CYP3A7: variants seen among roughly 807,000 people sequenced by gnomAD.
CYP3A7 encodes cytochrome P450 3A7.
CYP3A7 carries 45 observed loss-of-function variants against 55.2 expected under a neutral mutation model. The ratio of observed to expected loss-of-function variants is 0.82; its 90% CI spans 0.64 to 1.05. CYP3A7 has a LOEUF of 1.05. CYP3A7 is among the 50% of genes least tolerant of loss of function. The probability of loss-of-function intolerance (pLI) is 0.00; values close to 1 mark genes in which losing one functional copy is unlikely to be tolerated. For synonymous variants in CYP3A7, 180 were observed against 207.4 expected, an observed-to-expected ratio of 0.87 and a Z score of 1.13; for missense variants, 548 against 605.3, an observed-to-expected ratio of 0.91 and a Z score of 0.99.
intron 9 of CYP3A7, among the ~76,000 whole-genome samples, chr7:99,711,683 G>A (rs1023285834): frequency 4.6e-5 from 7 of 152,098 alleles, no homozygotes; most frequent in Admixed American, 3.3e-4. Context: ...CAGAATAATC[G>A]CTTGAATCTG....
rs751002782 is a variant in CYP3A7 at position 99,705,569 on chromosome 7, T to C, written c.1443A>G (p.Gly481=). The change falls in exon 13 of 13, where the codon GGA becomes GGG. Residue 481 remains glycine, a synonymous_variant. Transcript: ENST00000336374. ...TQIPLKLRFG[G]LLLTEKPIVL... ...CAATGGGTTTTTCTGTTAGAAGAAG[T>C]CCTCCAAAGCGTAATTTCAGGGGGA... 15 of 1,613,598 alleles carry C rather than the reference T, an allele frequency of 9.3e-6. No individual in the cohort carries two copies. Among genetic ancestry groups the C allele is most frequent in the Non-Finnish European group, 1.3e-5 (15 of 1,179,708 alleles).
intron 5 of CYP3A7, 122 bp downstream of exon 5, chr7:99,717,404 A>T: frequency 6.3e-7 from 1 of 1,582,028 alleles, no homozygotes; most frequent in Non-Finnish European, 8.7e-7. Flanking sequence ...TAAAAAGACT[A>T]TTTTTAGGAA....
At chr7:99,734,613 TTCTTTTTTTTC>T (rs1246417843) in intron 1 of CYP3A7, among the ~76,000 whole-genome samples, 1 of 152,000 alleles carries the variant, frequency 6.6e-6, no homozygotes, top group African/African-American at 2.4e-5. Context: ...ATCTTTTTTT[TTCTTTTTTTTC>T]TCTTTTTTTT....
In CYP3A7 at chr7:99,707,879, A is replaced by C; in HGVS notation, c.1349T>G (p.Val450Gly). The change falls in exon 12 of 13, where the codon GTG (valine) becomes GGG (glycine). Residue 450 changes from valine to glycine, a missense_variant. Coordinates refer to ENST00000336374, the MANE Select transcript of CYP3A7 (RefSeq NM_000765.5). ...RNCIGMRFAL[V>G]NMKLALVRVL... is the part of the protein sequence containing the mutation. ...TCTGACTAGAGCAAGTTTCATGTTCACGAGAGCAAACCTCATGCCAATGCA... is the reference window on the plus strand; with the variant it reads ...TCTGACTAGAGCAAGTTTCATGTTCCCGAGAGCAAACCTCATGCCAATGCA... 6.2e-7 allele frequency: 1 copy of C among 1,614,050 alleles called. No homozygotes were observed. The highest frequency in any genetic ancestry group is 1.1e-5 in the South Asian group (1 of 91,076).
intron 6 of CYP3A7, among the ~76,000 whole-genome samples, chr7:99,716,473 T>C (rs984544356): frequency 3.3e-5 from 5 of 152,322 alleles, no homozygotes; most frequent in Admixed American, 6.5e-5. Flanking sequence ...GTTGCCCTGA[T>C]GGCAGAATTA....
intron 5 of CYP3A7, 60 bp downstream of exon 5, chr7:99,717,466 A>G (rs1211481351): frequency 6.2e-7 from 1 of 1,603,546 alleles, no homozygotes; most frequent in East Asian, 2.3e-5. Context: ...CTTACTTTCT[A>G]CCTGTCCCCA....
intron 2 of CYP3A7, among the ~76,000 whole-genome samples, chr7:99,723,459 CT>C (rs1814285074): frequency 6.6e-6 from 1 of 152,198 alleles, no homozygotes; most frequent in African/African-American, 2.4e-5. Flanking sequence ...TGACCCACCC[CT>C]ATCTCCCTTT....
At chr7:99,728,183 C>T in intron 2 of CYP3A7, among the ~76,000 whole-genome samples, 1 of 152,190 alleles carries the variant, frequency 6.6e-6, no homozygotes, top group East Asian at 1.9e-4. Context: ...TATCTCCTTC[C>T]AGTCTCACAG....
At chr7:99,708,676 A>T (rs1313531877) in intron 11 of CYP3A7, among the ~76,000 whole-genome samples, 1 of 152,140 alleles carries the variant, frequency 6.6e-6, no homozygotes, top group Non-Finnish European at 1.5e-5. Context: ...TTTTTATTCA[A>T]ATTTGATTCC....
chr7:99,717,278 C>T lies in CYP3A7; in HGVS notation c.433-13G>A. On this transcript the variant is annotated splice_polypyrimidine_tract_variant and intron_variant, in intron 5 of 12. Transcript: ENST00000336374. ...TGATAGGGACCATCTAAGCACAAAA[C>T]ACAACACCACCCATAGTTAAATGTG... 1 of 1,613,880 alleles carries T rather than the reference C, an allele frequency of 6.2e-7. No homozygotes were observed. Among genetic ancestry groups the T allele is most frequent in the Non-Finnish European group, 8.5e-7 (1 of 1,179,816 alleles).
At chr7:99,710,984 C>G (rs1480691197) in intron 9 of CYP3A7, 92 bp from the exon 10 acceptor site, 4 of 1,595,174 alleles carry the variant, frequency 2.5e-6, no homozygotes, top group Non-Finnish European at 2.6e-6. Flanking sequence ...ACCTTCAAAT[C>G]CCCAGGGGAA....
At chr7:99,734,909 C>T (rs1297607590) in intron 1 of CYP3A7, 114 bp downstream of exon 1, 1 of 1,534,204 alleles carries the variant, frequency 6.5e-7, no homozygotes, top group African/African-American at 1.4e-5. Context: ...GTGTGAGCCA[C>T]CACGGCCAGC....
At chr7:99,729,263 A>G (rs910516911) in intron 2 of CYP3A7, among the ~76,000 whole-genome samples, 42 of 152,208 alleles carry the variant, frequency 2.8e-4, no homozygotes, top group African/African-American at 9.4e-4. Context: ...TATACAACAA[A>G]TATTACTTTT....
intron 2 of CYP3A7, among the ~76,000 whole-genome samples, chr7:99,724,316 A>G (rs550226349): frequency 7.2e-5 from 11 of 152,144 alleles, no homozygotes; most frequent in African/African-American, 2.7e-4. Context: ...ATAGCCAGAA[A>G]ATGACACTTT....
At chr7:99,718,328 C>T (rs1169075870) in intron 4 of CYP3A7, among the ~76,000 whole-genome samples, 1 of 152,118 alleles carries the variant, frequency 6.6e-6, no homozygotes, top group Non-Finnish European at 1.5e-5. Context: ...TAATGCGATT[C>T]TATTAACATT....
intron 9 of CYP3A7, 127 bp downstream of exon 9, chr7:99,713,335 TAACATCC>T (rs1276856110): frequency 7.2e-7 from 1 of 1,393,540 alleles, no homozygotes; most frequent in Admixed American, 1.9e-5. Context: ...GCTACCATTT[TAACATCC>T]AAACCTGTGT....
chr7:99,730,943 A>G (rs1210683081), intron 2 of CYP3A7, 116 bp downstream of exon 2: 12 of 1,374,012 alleles, frequency 8.7e-6, no homozygotes, highest in Non-Finnish European at 1.2e-5. Flanking sequence ...CCTACACGCT[A>G]TTTCTGAAAG....
intron 8 of CYP3A7, among the ~76,000 whole-genome samples, chr7:99,714,321 A>C (rs1208516165): frequency 1.3e-5 from 2 of 152,106 alleles, no homozygotes; most frequent in African/African-American, 2.4e-5. Context: ...ATGGCATACT[A>C]ATTCTTGTGC....
Position 99,720,392 on chromosome 7 carries a change from G to A in CYP3A7, c.239C>T (p.Pro80Leu), listed in dbSNP as rs1251401270. 6.2e-7 allele frequency: 1 copy of A among 1,613,670 alleles called. No homozygotes were observed. Among genetic ancestry groups the A allele is most frequent in the Admixed American group, 1.7e-5 (1 of 60,014 alleles). ...KVWGIYDCQQ[P>L]MLAITDPDMI... ...GTCGGGATCTGTGATAGCCAGCATA[G>A]GCTGTTGACAGTCATAAATACTGTG... is the stretch of plus-strand genomic sequence containing the variant. The change falls in exon 4 of 13, where the codon CCT (proline) becomes CTT (leucine). Residue 80 changes from proline (P) to leucine (L), a missense_variant. By Grantham distance (98) the Pro-to-Leu change is moderately conservative. Transcript: ENST00000336374.
Sources: allele counts gnomAD v4.1 joint callset (sites outside exome capture counted in the v4.1 genomes callset), GRCh38; gene constraint gnomAD v4.1.1; transcripts MANE v1.5; gene names NCBI Gene and HGNC (gene_info 2026-07-23, HGNC 2026-07-21).